Variants in FAP observed in about 807,000 individuals in gnomAD.
FAP encodes fibroblast activation protein alpha, also known as prolyl endopeptidase FAP.
In FAP, 110 loss-of-function variants were observed where a neutral mutation model predicts 126.5. That is an observed-to-expected ratio of 0.87 (90% CI 0.74 to 1.02). The LOEUF (loss-of-function observed/expected upper bound fraction) is 1.02. Ranked by LOEUF, FAP falls within the 50% of genes least tolerant of loss-of-function variation. The pLI, the probability that FAP is intolerant of heterozygous loss-of-function variation, is 0.00. For missense variants in FAP, 919 were observed against 909.2 expected, an observed-to-expected ratio of 1.01 and a Z score of -0.14; for synonymous variants, 334 against 297.3, an observed-to-expected ratio of 1.12 and a Z score of -1.27.
Position 162,173,767 on chromosome 2 carries a change from A to G in FAP, c.1990T>C (p.Phe664Leu). 1 of 1,604,646 alleles carries G rather than the reference A, an allele frequency of 6.2e-7. No individual in the cohort carries two copies. Among genetic ancestry groups the G allele is most frequent in the Non-Finnish European group, 8.5e-7 (1 of 1,171,684 alleles). The change falls in exon 23 of 26, where the codon TTC becomes CTC. Residue 664 changes from phenylalanine to leucine, a missense_variant. Coordinates refer to ENST00000188790, the MANE Select transcript of FAP (RefSeq NM_004460.5). ...TCATCCTTTGTTGGGAGACCCATGA[A>G]TCTCTCTGTGTAGACAGACGCTATA... The part of the protein sequence containing the change: ...EYYASVYTER[F>L]MGLPTKDDNL...
intron 21 of FAP, among the ~76,000 whole-genome samples, chr2:162,179,114 G>A (rs967055619): frequency 1.3e-5 from 2 of 152,070 alleles, no homozygotes; most frequent in Non-Finnish European, 2.9e-5. Context: ...TTGCCCTATT[G>A]ACTTCAAGAG....
chr2:162,206,034 T>G (rs1344158054), intron 12 of FAP, among the ~76,000 whole-genome samples: 1 of 151,750 alleles, frequency 6.6e-6, no homozygotes, highest in Non-Finnish European at 1.5e-5. Flanking sequence ...CAGGGCAGAG[T>G]GTTATGTTTT....
intron 11 of FAP, among the ~76,000 whole-genome samples, chr2:162,211,560 C>A (rs1688934706): frequency 6.6e-6 from 1 of 152,062 alleles, no homozygotes; most frequent in African/African-American, 2.4e-5. Context: ...TCATAAAAGG[C>A]AGGGGAATAA....
At chr2:162,223,692 T>A (rs1226205201) in intron 5 of FAP, 32 bp from the exon 6 acceptor site, 2 of 1,477,990 alleles carry the variant, frequency 1.4e-6, no homozygotes, top group Non-Finnish European at 9.5e-7. Flanking sequence ...AAAAACAAAT[T>A]GCAGTTGTTA....
chr2:162,228,706 T>G (rs999122291), intron 2 of FAP, among the ~76,000 whole-genome samples: 1 of 152,222 alleles, frequency 6.6e-6, no homozygotes, highest in Non-Finnish European at 1.5e-5. Context: ...ATCTTCTGTT[T>G]AATGAAATGG....
intron 20 of FAP, among the ~76,000 whole-genome samples, chr2:162,187,320 AAC>A (rs1460549339): frequency 6.6e-6 from 1 of 152,108 alleles, no homozygotes; most frequent in Non-Finnish European, 1.5e-5. Flanking sequence ...TTGCCTGTGA[AAC>A]AGTGTTTGAC....
At chr2:162,210,082 C>A (rs1424133415) in intron 11 of FAP, 86 bp from the exon 12 acceptor site, 10 of 1,159,538 alleles carry the variant, frequency 8.6e-6, no homozygotes, top group Non-Finnish European at 1.3e-5. Context: ...AACAGTTAAG[C>A]TGCCTGATCA....
At chr2:162,198,134 T>C (rs1688331512) in intron 16 of FAP, 8 of 1,241,616 alleles carry the variant, frequency 6.4e-6, no homozygotes, top group East Asian at 5.6e-5. Context: ...AAATGTTTTG[T>C]AGATTTTATT....
chr2:162,202,443 A>T (rs1329982608), intron 14 of FAP, among the ~76,000 whole-genome samples: 4 of 152,240 alleles, frequency 2.6e-5, no homozygotes, highest in African/African-American at 9.6e-5. Flanking sequence ...TATCTGGTAC[A>T]CAGTAATTGC....
chr2:162,210,040 T>C (rs748674520), intron 11 of FAP, 44 bp from the exon 12 acceptor site: 8 of 1,543,602 alleles, frequency 5.2e-6, no homozygotes, highest in African/African-American at 2.7e-5. Context: ...TAGGAGAACA[T>C]TTTTTTCCTA....
At chr2:162,216,117 T>A (rs1689153144) in intron 9 of FAP, 116 bp from the exon 10 acceptor site, 1 of 653,890 alleles carries the variant, frequency 1.5e-6, no homozygotes, top group Non-Finnish European at 2.7e-6. Flanking sequence ...TGTATATCAC[T>A]GTGGAATACA....
chr2:162,210,062 G>A, intron 11 of FAP, 66 bp from the exon 12 acceptor site: 1 of 1,391,818 alleles, frequency 7.2e-7, no homozygotes, highest in East Asian at 2.3e-5. Context: ...ATGTAATCTG[G>A]ACATTTGGAA....
At chr2:162,183,345 A>G in intron 21 of FAP, 69 bp downstream of exon 21, 1 of 1,172,464 alleles carries the variant, frequency 8.5e-7, no homozygotes, top group Non-Finnish European at 1.3e-6. Flanking sequence ...GAAACCTTCT[A>G]AACGAACACT....
In FAP at chr2:162,219,749, A is replaced by G. The variant is rs535610963; in HGVS notation, c.486+104T>C. On this transcript the variant is annotated intron_variant, in intron 7 of 25. Coordinates refer to ENST00000188790, the MANE Select transcript of FAP (RefSeq NM_004460.5). ...TTTTTAACCACTAAAATAGTCATGA[A>G]TGTATTTTTTTTTCTTTCAGGCAGG... 1.5e-5 allele frequency: 12 copies of G among 777,604 alleles called. No individual in the cohort carries two copies. In the African/African-American group the frequency reaches 1.8e-4, roughly 11 times the overall value. The allele number at this position is 777,604 out of a possible 1,614,324, so 48.2% of individuals were successfully genotyped here. A position where few individuals can be genotyped will look rare whatever the true frequency, so the allele number is the denominator to read the frequency against.
intron 6 of FAP, among the ~76,000 whole-genome samples, chr2:162,222,738 T>A (rs1030439752): frequency 1.5e-4 from 23 of 152,326 alleles, no homozygotes; most frequent in Admixed American, 1.5e-3. Context: ...CTTATTGTCA[T>A]CAGAAAGAAA....
chr2:162,188,935 T>C (rs1687946579), intron 19 of FAP, among the ~76,000 whole-genome samples, 168 bp downstream of exon 19: 1 of 152,138 alleles, frequency 6.6e-6, no homozygotes, highest in Non-Finnish European at 1.5e-5. Context: ...TTCCTCAATC[T>C]ATTTTAAATA....
intron 21 of FAP, among the ~76,000 whole-genome samples, chr2:162,179,939 G>T (rs1018381539): frequency 1.3e-5 from 2 of 151,728 alleles, no homozygotes; most frequent in Non-Finnish European, 2.9e-5. Context: ...TTCCTGAGTA[G>T]CTGGGATTAC....
intron 16 of FAP, chr2:162,195,129 C>T (rs1311283726): frequency 4.6e-6 from 1 of 215,584 alleles, no homozygotes; most frequent in Non-Finnish European, 9.3e-6. Context: ...TCACCAGTAC[C>T]CAGATTGTAT....
intron 21 of FAP, 179 bp from the exon 22 acceptor site, chr2:162,175,145 T>A: frequency 1.9e-6 from 1 of 520,980 alleles, no homozygotes; most frequent in East Asian, 3.3e-5. Context: ...CCAGACATAA[T>A]GGTAATTTCT....
Sources: gnomAD v4.1 joint callset for allele counts (sites outside exome capture counted in the v4.1 genomes callset) on GRCh38, gnomAD v4.1.1 for gene constraint, MANE v1.5 for transcripts, NCBI Gene and HGNC (gene_info 2026-07-23, HGNC 2026-07-21) for gene names.